The following RBM7 variants were observed in gnomAD, a reference collection of about 807,000 sequenced individuals.
RBM7 encodes RNA binding motif protein 7, also known as RNA-binding protein 7.
RBM7 carries 13 observed loss-of-function variants against 31.0 expected under a neutral mutation model. The ratio of observed to expected loss-of-function variants is 0.42; its 90% confidence interval spans 0.27 to 0.67. The LOEUF (loss-of-function observed/expected upper bound fraction) is 0.67, where lower values mean the gene tolerates loss of function less well. RBM7 is among the 30% of genes least tolerant of loss of function. The pLI, the probability that RBM7 is intolerant of heterozygous loss-of-function variation, is 0.24. For missense variants in RBM7, 245 were observed against 326.2 expected (o/e 0.75, Z 1.92); for synonymous variants, 106 against 111.2 (o/e 0.95, Z 0.30).
rs750207966 is a variant in RBM7 at position 114,407,347 on chromosome 11, G to T, written c.442-98G>T. The T allele has an allele frequency of 1.8e-5, 24 of 1,307,804 alleles. 1 individual carries two copies. The highest frequency in any genetic ancestry group is 2.3e-5 in the Non-Finnish European group (22 of 948,138). 81.0% of individuals were successfully genotyped at this position (1,307,804 alleles called of 1,614,324 possible). ...TTTAGTTGTGGATCCATCTAGGCAA[G>T]AGTGACTTTATTTTCTTTCATTTTC... On this transcript the variant is annotated intron_variant, in intron 4 of 4. Transcript: ENST00000375490.
Position 114,400,703 on chromosome 11 carries a change from C to G in RBM7, c.32C>G (p.Thr11Ser). Residue 11 changes from threonine to serine, a missense_variant, in exon 1 of 5, where the codon ACT (threonine) becomes AGT (serine). Coordinates refer to ENST00000375490, the MANE Select transcript of RBM7 (RefSeq NM_001286045.2). MGAAAAEADRTLFVGNLETKV... is the reference protein window; with the variant it reads MGAAAAEADRSLFVGNLETKV... ...GCGGCGGCGGCGGAAGCGGATCGCA[C>G]TCTCTTTGTGGGCAACCTTGAAACG... 1.2e-6 allele frequency: 2 copies of G among 1,614,226 alleles called. No homozygotes were observed. The highest frequency in any genetic ancestry group is 1.7e-6 in the Non-Finnish European group (2 of 1,180,040).
chr11:114,406,522 C>T (rs993066439), intron 4 of RBM7: 3 of 152,160 alleles, frequency 2.0e-5, no homozygotes, highest in Non-Finnish European at 2.9e-5. Flanking sequence ...TGGGAACCAC[C>T]GGTCTAGTCA....
chr11:114,400,692 A>C lies in RBM7; in HGVS notation c.21A>C (p.Glu7Asp). 1 of 1,614,184 alleles carries C rather than the reference A, an allele frequency of 6.2e-7. No homozygotes were observed. Among genetic ancestry groups the C allele is most frequent in the Non-Finnish European group, 8.5e-7 (1 of 1,180,026 alleles). Residue 7 changes from glutamate to aspartate, a missense_variant, in exon 1 of 5, where the codon GAA (glutamate) becomes GAC (aspartate). Physicochemically the swap from Glu to Asp is conservative, Grantham distance 45. Coordinates refer to ENST00000375490, the MANE Select transcript of RBM7 (RefSeq NM_001286045.2). MGAAAA[E>D]ADRTLFVGNL... The stretch of plus-strand genomic sequence containing the variant: ...CTGAGATGGGGGCGGCGGCGGCGGA[A>C]GCGGATCGCACTCTCTTTGTGGGCA...
At position 114,402,813 on chromosome 11, in the gene RBM7, A is replaced by G; in HGVS notation, c.260-15A>G. 6.3e-7 allele frequency: 1 copy of G among 1,592,142 alleles called. No homozygotes were observed. Among genetic ancestry groups the G allele is most frequent in the Non-Finnish European group, 8.6e-7 (1 of 1,161,524 alleles). Reference sequence around the variant, plus strand: ...TTTTCTATCAAGAATAATTTTTCAAATTGTTTCATTTTAGGAAGTAGTCAT... The same window carrying G: ...TTTTCTATCAAGAATAATTTTTCAAGTTGTTTCATTTTAGGAAGTAGTCAT... On this transcript the variant is annotated splice_polypyrimidine_tract_variant and intron_variant, in intron 2 of 4. Coordinates refer to ENST00000375490, the MANE Select transcript of RBM7 (RefSeq NM_001286045.2).
At chr11:114,401,466 CAA>C (rs1398062729) in intron 1 of RBM7, among the ~76,000 whole-genome samples, 1 of 152,148 alleles carries the variant, frequency 6.6e-6, no homozygotes, top group African/African-American at 2.4e-5. Context: ...CTGTGAATTG[CAA>C]AAGTGATTGT....
chr11:114,403,243 C>CAAAA (rs1298326271), intron 3 of RBM7, among the ~76,000 whole-genome samples: 2 of 152,172 alleles, frequency 1.3e-5, no homozygotes, highest in Non-Finnish European at 2.9e-5. Flanking sequence ...TTTACCCTCA[C>CAAAA]TACTTGGATT....
chr11:114,408,921 T>C lies in RBM7; in HGVS notation c.*1114T>C, dbSNP rs1946303502. The C allele has an allele frequency of 6.6e-6, 1 of 151,892 alleles. No individual in the cohort carries two copies. Among genetic ancestry groups the C allele is most frequent in the South Asian group, 2.1e-4 (1 of 4,824 alleles). The allele number at this position is 151,892 out of a possible 1,614,324, so 9.4% of individuals were successfully genotyped here. On this transcript the variant is annotated 3_prime_UTR_variant, in exon 5 of 5. Coordinates refer to ENST00000375490, the MANE Select transcript of RBM7 (RefSeq NM_001286045.2). ...CTGAAAATATAAAAGGAAGGGTGTG[T>C]GTTATTTTTTTTTTTTTATGTCACT...
intron 3 of RBM7, among the ~76,000 whole-genome samples, chr11:114,405,386 G>C (rs982484164): frequency 4.6e-5 from 7 of 152,278 alleles, no homozygotes; most frequent in African/African-American, 1.4e-4. Context: ...TAGTCCTTCA[G>C]CTGGGAAGTT....
rs908336930 is a variant in RBM7 at position 114,409,389 on chromosome 11, GAC to G, written c.*1584_*1585del. On this transcript the variant is annotated 3_prime_UTR_variant, in exon 5 of 5. Coordinates refer to ENST00000375490, the MANE Select transcript of RBM7 (RefSeq NM_001286045.2). The stretch of plus-strand genomic sequence containing the variant: ...ATGTTTGTTTTTGTTTTTTTTTTGA[GAC>G]AGAGTCTTGCTACGACACCCAGGCT... 1.4e-5 allele frequency: 2 copies of G among 146,734 alleles called. No homozygotes were observed. Among genetic ancestry groups the G allele is most frequent in the Non-Finnish European group, 3.0e-5 (2 of 66,072 alleles). 9.1% of individuals were successfully genotyped at this position (146,734 alleles called of 1,614,324 possible).
rs1591199564 is a variant in RBM7, at chr11:114,405,881, T to G, written c.441+82T>G. ...TGTTCGCATTGTATCAAATAACTGG[T>G]TTTTAATTAACTTTGTTAAGTTGGA... On this transcript the variant is annotated intron_variant, in intron 4 of 4. Coordinates refer to ENST00000375490, the MANE Select transcript of RBM7 (RefSeq NM_001286045.2). 4.0e-5 allele frequency: 39 copies of G among 976,628 alleles called. No homozygotes were observed. The South Asian group carries it at 6.5e-4, about 16-fold the overall frequency. 60.5% of individuals were successfully genotyped at this position (976,628 alleles called of 1,614,324 possible). A position where few individuals can be genotyped will look rare whatever the true frequency, so the allele number is the denominator to read the frequency against.
Position 114,405,734 on chromosome 11 carries a change from A to C in RBM7, c.376A>C (p.Thr126Pro). Residue 126 changes from threonine (T) to proline (P), a missense_variant, in exon 4 of 5, where the codon ACT becomes CCT. By Grantham distance (38) the Thr-to-Pro change is conservative. Transcript: ENST00000375490. ...GTACGAAAGGACTATGGATAACATG[A>C]CTTCATCAGCACAGATAATTCAGAG... ...SRYERTMDNM[T>P]SSAQIIQRSF... is the part of the protein sequence containing the mutation. 6.2e-7 allele frequency: 1 copy of C among 1,606,358 alleles called. No homozygotes were observed. The highest frequency in any genetic ancestry group is 8.5e-7 in the Non-Finnish European group (1 of 1,176,722).
At chr11:114,403,251 A>T (rs1205540891) in intron 3 of RBM7, among the ~76,000 whole-genome samples, 1 of 152,214 alleles carries the variant, frequency 6.6e-6, no homozygotes, top group East Asian at 1.9e-4. Flanking sequence ...CACTACTTGG[A>T]TTACTATTTC....
intron 3 of RBM7, among the ~76,000 whole-genome samples, chr11:114,404,416 AAATT>A (rs1946239792): frequency 6.6e-6 from 1 of 152,240 alleles, no homozygotes; most frequent in Non-Finnish European, 1.5e-5. Flanking sequence ...TTGCCAGCTG[AAATT>A]AATTAACAGT....
intron 3 of RBM7, among the ~76,000 whole-genome samples, chr11:114,404,601 G>C (rs948836338): frequency 6.6e-6 from 1 of 151,982 alleles, no homozygotes; most frequent in Non-Finnish European, 1.5e-5. Context: ...TACTTGGAAG[G>C]CTGTGGTGGG....
chr11:114,402,680 C>T (rs1946221140), intron 2 of RBM7, 148 bp from the exon 3 acceptor site: 6 of 660,988 alleles, frequency 9.1e-6, no homozygotes, highest in Non-Finnish European at 1.6e-5. Flanking sequence ...GCTGGGATTA[C>T]AGGCGTCAGC....
chr11:114,402,437 C>G (rs1946217840), intron 2 of RBM7, among the ~76,000 whole-genome samples: 1 of 105,534 alleles, frequency 9.5e-6, no homozygotes, highest in South Asian at 3.4e-4. Flanking sequence ...GGAGTCTTGC[C>G]CTGTTGCCTA....
In RBM7 at chr11:114,407,617, C is replaced by T; in HGVS notation, c.614C>T (p.Ser205Phe). 6.2e-7 allele frequency: 1 copy of T among 1,614,120 alleles called. No individual in the cohort carries two copies. Among genetic ancestry groups the T allele is most frequent in the Non-Finnish European group, 8.5e-7 (1 of 1,179,990 alleles). Residue 205 changes from serine (S) to phenylalanine (F), a missense_variant, in exon 5 of 5, where the codon TCT becomes TTT. By Grantham distance (155) the Ser-to-Phe change is radical. Coordinates refer to ENST00000375490, the MANE Select transcript of RBM7 (RefSeq NM_001286045.2). ...PSSQRKVRMN[S>F]YPYLADRHYS... Reference sequence around the variant, plus strand: ...TCACAGCGTAAAGTCAGAATGAATTCTTATCCCTACCTAGCAGATAGACAT... The same window carrying T: ...TCACAGCGTAAAGTCAGAATGAATTTTTATCCCTACCTAGCAGATAGACAT...
chr11:114,401,698 G>T lies in RBM7; in HGVS notation c.97G>T (p.Ala33Ser). 1 of 1,510,170 alleles carries T rather than the reference G, an allele frequency of 6.6e-7. No individual in the cohort carries two copies. The highest frequency in any genetic ancestry group is 1.5e-5 in the African/African-American group (1 of 68,698). 93.5% of individuals were successfully genotyped at this position (1,510,170 alleles called of 1,614,324 possible). A position where few individuals can be genotyped will look rare whatever the true frequency, so the allele number is the denominator to read the frequency against. Residue 33 changes from alanine to serine, a missense_variant and splice_region_variant, in exon 2 of 5, where the codon GCT becomes TCT. Ala to Ser is a moderately conservative substitution (Grantham distance 99). Coordinates refer to ENST00000375490, the MANE Select transcript of RBM7 (RefSeq NM_001286045.2). ...ATTCTAAACACCTTTTTGTTTGTAG[G>T]CTGGGCCAGTAATAAAGGTGAAAAT... The part of the protein sequence containing the change: ...EELLFELFHQ[A>S]GPVIKVKIPK...
rs1946309615 is a variant in RBM7 at position 114,409,361 on chromosome 11, T to C, written c.*1554T>C. The C allele has an allele frequency of 7.4e-6, 1 of 135,046 alleles. No homozygotes were observed. The highest frequency in any genetic ancestry group is 2.6e-5 in the African/African-American group (1 of 38,232). 8.4% of individuals were successfully genotyped at this position (135,046 alleles called of 1,614,324 possible). A position where few individuals can be genotyped will look rare whatever the true frequency, so the allele number is the denominator to read the frequency against. On this transcript the variant is annotated 3_prime_UTR_variant, in exon 5 of 5. Transcript: ENST00000375490. Reference sequence around the variant, plus strand: ...TGTAGATGTTAACGAAGATTAATACTGCATGTTTGTTTTTGTTTTTTTTTT... The same window carrying C: ...TGTAGATGTTAACGAAGATTAATACCGCATGTTTGTTTTTGTTTTTTTTTT...
Sources: gnomAD v4.1 joint callset for allele counts (sites outside exome capture counted in the v4.1 genomes callset) on GRCh38, gnomAD v4.1.1 for gene constraint, MANE v1.5 for transcripts, NCBI Gene and HGNC (gene_info 2026-07-23, HGNC 2026-07-21) for gene names.